RIT2: variants seen among roughly 807,000 people sequenced by gnomAD.
The protein encoded by RIT2 is GTP-binding protein Rit2.
RIT2 carries 24 observed loss-of-function variants against 23.7 expected under a neutral mutation model. The observed-to-expected ratio is 1.01, with a 90% CI of 0.73 to 1.43. RIT2 has a LOEUF of 1.43. RIT2 is among the 40% of genes most tolerant of loss of function. The pLI, the probability that RIT2 is intolerant of heterozygous loss-of-function variation, is 0.00. For synonymous variants in RIT2, 107 were observed against 91.1 expected (o/e 1.17, Z -0.99); for missense variants, 236 against 266.9 (o/e 0.88, Z 0.81).
At chr18:43,052,466 G>C (rs1425180145) in intron 1 of RIT2, among the ~76,000 whole-genome samples, 1 of 151,852 alleles carries the variant, frequency 6.6e-6, no homozygotes, top group East Asian at 1.9e-4. Context: ...ATACTTCACG[G>C]GCTTTATCAT....
chr18:43,108,589 A>T (rs1913882972), intron 1 of RIT2, among the ~76,000 whole-genome samples: 1 of 152,216 alleles, frequency 6.6e-6, no homozygotes, highest in African/African-American at 2.4e-5. Context: ...CAGACATATC[A>T]TATAGTACTC....
chr18:42,922,186 T>C (rs369404652), intron 4 of RIT2, among the ~76,000 whole-genome samples: 7 of 152,136 alleles, frequency 4.6e-5, no homozygotes, highest in East Asian at 3.9e-4. Flanking sequence ...AGAAATACGT[T>C]CCCGGTTAAA....
chr18:42,977,916 T>C (rs902148436), intron 2 of RIT2, among the ~76,000 whole-genome samples: 1 of 151,088 alleles, frequency 6.6e-6, no homozygotes, highest in African/African-American at 2.4e-5. Flanking sequence ...CACTGCTCTT[T>C]GTACATTCAC....
intron 1 of RIT2, among the ~76,000 whole-genome samples, chr18:43,105,522 G>GGA (rs1555658777): frequency 2.4e-5 from 3 of 124,532 alleles, no homozygotes; most frequent in South Asian, 2.3e-4. Flanking sequence ...GGGAGGGAAT[G>GGA]AGCAGTTTTA....
intron 4 of RIT2, among the ~76,000 whole-genome samples, chr18:42,750,583 T>C (rs749329470): frequency 3.9e-4 from 60 of 151,972 alleles, no homozygotes; most frequent in South Asian, 8.3e-4. Context: ...ATGTAAGATC[T>C]CTAAATCAAC....
rs181944680 is a variant in RIT2 at position 43,037,299 on chromosome 18, T to A, written c.104-3432A>T. 1.0e-3 allele frequency among the ~76,000 whole-genome samples: 157 copies of A among 152,328 alleles called. 2 individuals carry two copies. The highest frequency in any genetic ancestry group is 1.3e-3 in the Admixed American group (20 of 15,304). On this transcript the variant is annotated intron_variant, in intron 1 of 4. Coordinates refer to ENST00000326695, the MANE Select transcript of RIT2 (RefSeq NM_002930.4). ...AGAATGTTAGAGTATCAATGAACAATGCAATTGTGAATTGTGGCTTTTATT... is the reference window on the plus strand; with the variant it reads ...AGAATGTTAGAGTATCAATGAACAAAGCAATTGTGAATTGTGGCTTTTATT...
At chr18:43,027,502 A>C (rs772120816) in intron 2 of RIT2, among the ~76,000 whole-genome samples, 2 of 151,986 alleles carry the variant, frequency 1.3e-5, no homozygotes, top group Non-Finnish European at 2.9e-5. Flanking sequence ...ACCTAAGTTA[A>C]TAAGTGGCAA....
At chr18:42,826,232 C>T (rs1906293536) in intron 4 of RIT2, among the ~76,000 whole-genome samples, 1 of 152,036 alleles carries the variant, frequency 6.6e-6, no homozygotes, top group South Asian at 2.1e-4. Context: ...CAGGCACTCT[C>T]TTACATCCAT....
At chr18:43,021,690 A>G (rs1911601169) in intron 2 of RIT2, among the ~76,000 whole-genome samples, 1 of 151,984 alleles carries the variant, frequency 6.6e-6, no homozygotes, top group South Asian at 2.1e-4. Context: ...AGCCATGTAA[A>G]ACGTGCCTTC....
intron 2 of RIT2, among the ~76,000 whole-genome samples, chr18:43,005,045 A>G (rs1911195751): frequency 6.6e-6 from 1 of 151,822 alleles, no homozygotes; most frequent in Admixed American, 6.6e-5. Context: ...AAACAAATCA[A>G]TGCAGCTAAG....
chr18:43,103,516 G>A (rs927504734), intron 1 of RIT2, among the ~76,000 whole-genome samples: 13 of 152,134 alleles, frequency 8.5e-5, no homozygotes, highest in Non-Finnish European at 1.5e-4. Flanking sequence ...AATAGTTATT[G>A]GAAGGGATAA....
chr18:43,049,025 T>C (rs1034882388), intron 1 of RIT2, among the ~76,000 whole-genome samples: 2 of 152,210 alleles, frequency 1.3e-5, no homozygotes, highest in African/African-American at 4.8e-5. Context: ...CATTTATTAC[T>C]TGGTTAGGGT....
intron 2 of RIT2, among the ~76,000 whole-genome samples, chr18:42,994,945 G>A (rs76958561): frequency 2.6e-5 from 4 of 151,864 alleles, no homozygotes; most frequent in Non-Finnish European, 4.4e-5. Flanking sequence ...ACTTCAATCC[G>A]GCCTCCCACA....
chr18:42,949,331 C>A (rs1302265833), intron 3 of RIT2, among the ~76,000 whole-genome samples: 1 of 152,032 alleles, frequency 6.6e-6, no homozygotes, highest in Admixed American at 6.6e-5. Flanking sequence ...GGGAATAGGG[C>A]ATTGCAATGG....
intron 3 of RIT2, among the ~76,000 whole-genome samples, chr18:42,959,759 G>A (rs916294807): frequency 1.3e-5 from 2 of 152,144 alleles, no homozygotes; most frequent in Admixed American, 6.5e-5. Flanking sequence ...AGGCTTATCT[G>A]TCCCATAGAG....
chr18:42,899,144 ATTACT>A (rs1213335049), intron 4 of RIT2, among the ~76,000 whole-genome samples: 1 of 151,906 alleles, frequency 6.6e-6, no homozygotes, highest in East Asian at 2.0e-4. Flanking sequence ...TTTAAAAGTA[ATTACT>A]TTACAGTTTC....
chr18:42,865,411 A>G (rs1267048778), intron 4 of RIT2, among the ~76,000 whole-genome samples: 1 of 152,224 alleles, frequency 6.6e-6, no homozygotes, highest in Non-Finnish European at 1.5e-5. Context: ...TGGCCTTCAC[A>G]TGGTATATTA....
chr18:43,094,842 A>C (rs989716386), intron 1 of RIT2, among the ~76,000 whole-genome samples: 2 of 152,022 alleles, frequency 1.3e-5, no homozygotes, highest in African/African-American at 2.4e-5. Flanking sequence ...TAGTTTGCTG[A>C]GAATGATGGT....
At chr18:42,981,953 G>T (rs141553792) in intron 2 of RIT2, among the ~76,000 whole-genome samples, 6 of 152,110 alleles carry the variant, frequency 3.9e-5, no homozygotes, top group Non-Finnish European at 7.4e-5. Flanking sequence ...CTTTATAATT[G>T]CAGTCCACGG....
Sources: allele counts gnomAD v4.1 joint callset (sites outside exome capture counted in the v4.1 genomes callset), GRCh38; gene constraint gnomAD v4.1.1; transcripts MANE v1.5; gene names NCBI Gene and HGNC (gene_info 2026-07-23, HGNC 2026-07-21).